The following RBX1 variants were observed in gnomAD, a reference collection of about 807,000 sequenced individuals.
RBX1 encodes ring-box 1.
For synonymous variants in RBX1, 48 were observed against 47.9 expected (o/e 1.00, Z -0.01); for missense variants, 46 against 141.4 (o/e 0.33, Z 3.42).
intron 3 of RBX1, among the ~76,000 whole-genome samples, chr22:40,965,412 C>A (rs187211214): frequency 1.9e-4 from 29 of 149,508 alleles, no homozygotes; most frequent in African/African-American, 6.8e-4. Context: ...CCTACCTACA[C>A]TGGTTTTTTG....
At position 40,957,393 on chromosome 22, in the gene RBX1, C is replaced by G. The variant is rs561976730; in HGVS notation, c.157+3760C>G. Among the ~76,000 whole-genome samples the G allele has an allele frequency of 3.6e-4, 54 of 151,764 alleles. 1 individual carries two copies. In the South Asian group the frequency reaches 0.011, roughly 30 times the overall value. On this transcript the variant is annotated intron_variant, in intron 2 of 4. Coordinates refer to ENST00000216225, the MANE Select transcript of RBX1 (RefSeq NM_014248.4). ...AGGTGAGGTGGGTCACACCTGTAAA[C>G]CCAAGACTTTGGGTGGCTGAGGCGG...
At chr22:40,956,860 C>T (rs935275018) in intron 2 of RBX1, among the ~76,000 whole-genome samples, 6 of 151,038 alleles carry the variant, frequency 4.0e-5, no homozygotes, top group Admixed American at 2.6e-4. Context: ...AAGGTGAAAC[C>T]CCGTCTCCAC....
chr22:40,968,003 T>G (rs2058358633), intron 4 of RBX1, 119 bp downstream of exon 4: 2 of 663,754 alleles, frequency 3.0e-6, no homozygotes, highest in Non-Finnish European at 5.4e-6. Context: ...AGTTTTTGGT[T>G]ACTTAAGCTA....
chr22:40,959,780 C>T (rs1168634798), intron 2 of RBX1, among the ~76,000 whole-genome samples: 5 of 151,846 alleles, frequency 3.3e-5, no homozygotes, highest in East Asian at 3.9e-4. Flanking sequence ...CAGTGCCCTC[C>T]GGCCTGGGGG....
At chr22:40,970,041 A>G (rs901734525) in intron 4 of RBX1, among the ~76,000 whole-genome samples, 1 of 146,206 alleles carries the variant, frequency 6.8e-6, no homozygotes, top group Non-Finnish European at 1.5e-5. Flanking sequence ...AGCCTAGGTA[A>G]TAGACCCAAT....
At chr22:40,962,887 G>A (rs59870929) in intron 2 of RBX1, among the ~76,000 whole-genome samples, 2 of 144,774 alleles carry the variant, frequency 1.4e-5, no homozygotes, top group African/African-American at 2.6e-5. Flanking sequence ...TAGTAGAGAC[G>A]GTGTTTCACT....
At chr22:40,952,818 C>T (rs2058315035) in intron 1 of RBX1, among the ~76,000 whole-genome samples, 1 of 152,032 alleles carries the variant, frequency 6.6e-6, no homozygotes, top group African/African-American at 2.4e-5. Context: ...CAGCTTATCC[C>T]ATGATTACCC....
chr22:40,951,488 C>G lies in RBX1; in HGVS notation c.78+12C>G. ...TTGAAGTGAAAAAGGTTGGGTCTCG[C>G]CAGCGCCTTCCTCAGGGAAGCTAGA... is the stretch of plus-strand genomic sequence containing the variant. On this transcript the variant is annotated intron_variant, in intron 1 of 4. Transcript: ENST00000216225. 1 of 1,611,326 alleles carries G rather than the reference C, an allele frequency of 6.2e-7. No homozygotes were observed. The highest frequency in any genetic ancestry group is 8.5e-7 in the Non-Finnish European group (1 of 1,178,696).
At chr22:40,961,400 A>T (rs1176551387) in intron 2 of RBX1, among the ~76,000 whole-genome samples, 36 of 150,816 alleles carry the variant, frequency 2.4e-4, no homozygotes, top group Non-Finnish European at 7.4e-5. Context: ...CTTTATTTTT[A>T]TTTTATTTTA....
intron 4 of RBX1, 142 bp downstream of exon 4, chr22:40,968,026 A>T (rs561842492): frequency 4.3e-6 from 2 of 463,940 alleles, no homozygotes; most frequent in African/African-American, 2.0e-5. Context: ...ACTTATCTAT[A>T]TGGAAAATGC....
chr22:40,968,775 C>G (rs1328949230), intron 4 of RBX1, among the ~76,000 whole-genome samples: 1 of 151,882 alleles, frequency 6.6e-6, no homozygotes. Flanking sequence ...CTTATATGTC[C>G]CGGTATTTAC....
intron 3 of RBX1, chr22:40,966,132 T>C (rs1220439658): frequency 6.6e-6 from 1 of 152,206 alleles, no homozygotes; most frequent in African/African-American, 2.4e-5. Context: ...GATAAAAATA[T>C]CTGTCATGCT....
At chr22:40,960,525 CAAAA>C (rs1190014240) in intron 2 of RBX1, among the ~76,000 whole-genome samples, 1 of 152,050 alleles carries the variant, frequency 6.6e-6, no homozygotes, top group African/African-American at 2.4e-5. Context: ...TGGCCACAGT[CAAAA>C]GAAAGACCCA....
chr22:40,960,287 A>G (rs1240535908), intron 2 of RBX1, among the ~76,000 whole-genome samples: 1 of 152,122 alleles, frequency 6.6e-6, no homozygotes, highest in African/African-American at 2.4e-5. Flanking sequence ...GTATGTAAAG[A>G]GATACTCATA....
chr22:40,966,777 C>T (rs1185013547), intron 3 of RBX1: 4 of 152,158 alleles, frequency 2.6e-5, no homozygotes, highest in African/African-American at 9.7e-5. Flanking sequence ...GCTTGTAAAG[C>T]TTTTGTTGTT....
intron 2 of RBX1, among the ~76,000 whole-genome samples, chr22:40,957,173 C>A (rs192612824): frequency 1.3e-5 from 2 of 151,574 alleles, no homozygotes; most frequent in East Asian, 3.9e-4. Flanking sequence ...CAGTGAAACC[C>A]CATCTCTACT....
In RBX1 at chr22:40,972,701, A is replaced by G. The variant is rs1165464506; in HGVS notation, c.*213A>G. The G allele has an allele frequency of 7.7e-6, 4 of 519,488 alleles. No individual in the cohort carries two copies. The highest frequency in any genetic ancestry group is 3.1e-5 in the East Asian group (1 of 31,800). The allele number at this position is 519,488 out of a possible 1,614,324, so 32.2% of individuals were successfully genotyped here. Reference sequence around the variant, plus strand: ...TCTTGTGTATGTGAACAAAGTGAACATAAATGAAGAGTCTCCCCTTCCAAG... The same window carrying G: ...TCTTGTGTATGTGAACAAAGTGAACGTAAATGAAGAGTCTCCCCTTCCAAG... On this transcript the variant is annotated 3_prime_UTR_variant, in exon 5 of 5. Transcript: ENST00000216225.
intron 2 of RBX1, among the ~76,000 whole-genome samples, chr22:40,956,029 T>C (rs556808847): frequency 6.6e-6 from 1 of 152,128 alleles, no homozygotes; most frequent in South Asian, 2.1e-4. Context: ...GTTTTGAAAA[T>C]AGTTAATGAT....
At position 40,972,665 on chromosome 22, in the gene RBX1, C is replaced by T. The variant is rs1293219643; in HGVS notation, c.*177C>T. The T allele has an allele frequency of 1.6e-5, 9 of 576,098 alleles. No homozygotes were observed. Among genetic ancestry groups the T allele is most frequent in the Admixed American group, 8.9e-5 (3 of 33,716 alleles). The allele number at this position is 576,098 out of a possible 1,614,324, so 35.7% of individuals were successfully genotyped here. On this transcript the variant is annotated 3_prime_UTR_variant, in exon 5 of 5. Coordinates refer to ENST00000216225, the MANE Select transcript of RBX1 (RefSeq NM_014248.4). ...AATAAAGTCCAGTTGGATTCTGGAA[C>T]GGATGCTCTCTCTTGTGTATGTGAA...
Sources: allele counts gnomAD v4.1 joint callset (sites outside exome capture counted in the v4.1 genomes callset), GRCh38; gene constraint gnomAD v4.1.1; transcripts MANE v1.5; gene names NCBI Gene and HGNC (gene_info 2026-07-23, HGNC 2026-07-21).